TTN: variants seen among roughly 807,000 people sequenced by gnomAD.
The protein encoded by TTN is titin.
Under a neutral mutation model 3,223.0 loss-of-function variants are expected in TTN, and 1,525 were observed. The observed-to-expected ratio is 0.47, with a 90% CI of 0.45 to 0.49. The LOEUF is 0.49. Ranked by LOEUF, TTN falls within the 20% of genes least tolerant of loss-of-function variation. TTN has a pLI of 0.00. For missense variants in TTN, 40,786 were observed against 43,424.0 expected (o/e 0.94, Z 5.40); for synonymous variants, 14,094 against 15,161.0 (o/e 0.93, Z 5.17).
At position 178,607,628 on chromosome 2, in the gene TTN, C is replaced by T. The variant is rs780672348; in HGVS notation, c.53060G>A (p.Gly17687Glu). 1 of 1,613,040 alleles carries T rather than the reference C, an allele frequency of 6.2e-7. No individual in the cohort carries two copies. ...SVKGGIQIMA[G>E]KTLRIPAVVT... ...CACAGCTGGAATTCTAAGAGTCTTCCCAGCCATTATTTGTATTCCACCCTT... is the reference window on the plus strand; with the variant it reads ...CACAGCTGGAATTCTAAGAGTCTTCTCAGCCATTATTTGTATTCCACCCTT... Residue 17687 changes from glycine (G) to glutamate (E), a missense_variant, in exon 277 of 363, where the codon GGG becomes GAG. Gly to Glu is a moderately conservative substitution (Grantham distance 98). Coordinates refer to ENST00000589042, the MANE Select transcript of TTN (RefSeq NM_001267550.2).
rs758968807 is a variant in TTN at position 178,741,120 on chromosome 2, G to A, written c.12113C>T (p.Thr4038Ile). 3.7e-6 allele frequency: 6 copies of A among 1,613,690 alleles called. No individual in the cohort carries two copies. The highest frequency in any genetic ancestry group is 1.1e-5 in the South Asian group (1 of 91,078). ...VLLEDTDMTD[T>I]PCKAKSTPEA... ...TGGTGTGGACTTTGCTTTGCAGGGG[G>A]TATCAGTCATGTCTGTGTCTTCCAG... Residue 4038 changes from threonine (T) to isoleucine (I), a missense_variant, in exon 48 of 363, where the codon ACC (threonine) becomes ATC (isoleucine). Coordinates refer to ENST00000589042, the MANE Select transcript of TTN (RefSeq NM_001267550.2).
rs878867684 is a variant in TTN, at chr2:178,573,624, A to C, written c.72508T>G (p.Trp24170Gly). The change falls in exon 326 of 363, where the codon TGG (tryptophan) becomes GGG (glycine). Residue 24170 changes from tryptophan (W) to glycine (G), a missense_variant. By Grantham distance (184) the Trp-to-Gly change is radical (BLOSUM62 -2). Transcript: ENST00000589042. Reference protein sequence around the residue: ...VQKRETSRLAWTNVASEVQVT... With the variant: ...VQKRETSRLAGTNVASEVQVT... The stretch of plus-strand genomic sequence containing the variant: ...TGGACTTCTGAGGCTACATTTGTCC[A>C]TGCCAATCTGCTGGTTTCACGTTTC... The C allele has an allele frequency of 1.3e-6, 2 of 1,501,416 alleles. No individual in the cohort carries two copies. The highest frequency in any genetic ancestry group is 1.8e-6 in the Non-Finnish European group (2 of 1,127,764). The allele number at this position is 1,501,416 out of a possible 1,614,324, so 93.0% of individuals were successfully genotyped here. A position where few individuals can be genotyped will look rare whatever the true frequency, so the allele number is the denominator to read the frequency against.
intron 47 of TTN, chr2:178,748,706 C>G (rs2084419944): frequency 6.2e-7 from 1 of 1,612,656 alleles, no homozygotes; most frequent in South Asian, 1.1e-5. Flanking sequence ...ATGTTCAGCT[C>G]TTTTAGAAAT....
At position 178,574,915 on chromosome 2, in the gene TTN, A is replaced by G; in HGVS notation, c.71217T>C (p.Val23739=). 5 of 1,612,822 alleles carry G rather than the reference A, an allele frequency of 3.1e-6. No homozygotes were observed. Among genetic ancestry groups the G allele is most frequent in the Non-Finnish European group, 4.2e-6 (5 of 1,179,392 alleles). Residue 23739 remains valine, a synonymous_variant, in exon 326 of 363, where the codon GTT becomes GTC. Transcript: ENST00000589042. ...PPTGPIKFDE[V]SSDFVTFSWD... ...AAGAGAAGGTTACAAAATCAGATGAAACTTCATCAAATTTGATTGGTCCAG... is the reference window on the plus strand; with the variant it reads ...AAGAGAAGGTTACAAAATCAGATGAGACTTCATCAAATTTGATTGGTCCAG...
rs1481869771 is a variant in TTN, at chr2:178,563,463, C to T, written c.82669G>A (p.Glu27557Lys). The T allele has an allele frequency of 3.1e-6, 5 of 1,613,500 alleles. No individual in the cohort carries two copies. The South Asian group carries it at 5.5e-5, about 18-fold the overall frequency. The change falls in exon 326 of 363, where the codon GAG becomes AAG. Residue 27557 changes from glutamate to lysine, a missense_variant. Physicochemically the swap from Glu to Lys is moderately conservative, Grantham distance 56. Transcript: ENST00000589042. The surrounding 1 kb of genome is among the most constrained non-coding windows in gnomAD (Gnocchi z 4.5). ...ENAAGVGEPSEPSVFYRACDA... is the reference protein window; with the variant it reads ...ENAAGVGEPSKPSVFYRACDA... ...CACGCACGGTAGAAAACAGATGGCT[C>T]ACTAGGTTCTCCCACACCAGCTGCA...
intron 138 of TTN, among the ~76,000 whole-genome samples, chr2:178,680,734 C>T (rs1378310652): frequency 6.6e-6 from 1 of 151,976 alleles, no homozygotes; most frequent in African/African-American, 2.4e-5. Context: ...AATGAATAAA[C>T]AGTTACCAAA....
rs2078270258 is a variant in TTN, at chr2:178,720,972, C to G, written c.23047G>C (p.Ala7683Pro). The change falls in exon 79 of 363, where the codon GCT becomes CCT. Residue 7683 changes from alanine to proline, a missense_variant. By Grantham distance (27) the Ala-to-Pro change is conservative. Coordinates refer to ENST00000589042, the MANE Select transcript of TTN (RefSeq NM_001267550.2). ...CTGGCGTCACCAACACCATTATGAG[C>G]CTCACAAATGTAGTCCCCGCTGTCT... is the stretch of plus-strand genomic sequence containing the variant. ...AEDSGDYICE[A>P]HNGVGDASCS... is the part of the protein sequence containing the mutation. 6.2e-7 allele frequency: 1 copy of G among 1,606,676 alleles called. No homozygotes were observed. The highest frequency in any genetic ancestry group is 1.3e-5 in the African/African-American group (1 of 74,814).
In TTN at chr2:178,572,927, A is replaced by G. The variant is rs903200206; in HGVS notation, c.73205T>C (p.Met24402Thr). The change falls in exon 326 of 363, where the codon ATG (methionine) becomes ACG (threonine). Residue 24402 changes from methionine to threonine, a missense_variant. Transcript: ENST00000589042. ...AGGTTCCCCAAGTCCTTCGGAATTC[A>G]TGGCATAGATGCGGATCTTATATTC... Reference protein sequence around the residue: ...NQEYKIRIYAMNSEGLGEPAL... With the variant: ...NQEYKIRIYATNSEGLGEPAL... 1 of 1,613,220 alleles carries G rather than the reference A, an allele frequency of 6.2e-7. No individual in the cohort carries two copies. Among genetic ancestry groups the G allele is most frequent in the African/African-American group, 1.3e-5 (1 of 74,894 alleles).
At chr2:178,667,764 T>C in intron 159 of TTN, 43 bp from the exon 160 acceptor site, 2 of 1,371,490 alleles carry the variant, frequency 1.5e-6, no homozygotes, top group Non-Finnish European at 2.0e-6. Context: ...TGTTTCAAGG[T>C]GGATAAAGAA....
Position 178,745,889 on chromosome 2 carries a change from A to T in TTN, c.11312-3968T>A, listed in dbSNP as rs780451913. On this transcript the variant is annotated intron_variant, in intron 47 of 362. Transcript: ENST00000589042. ...CCCTTCCACCACCTGAAATTCAAAA[A>T]AACTGTCTGTGTAGTTGCTCTTTAA... 10 of 1,612,266 alleles carry T rather than the reference A, an allele frequency of 6.2e-6. No individual in the cohort carries two copies. The highest frequency in any genetic ancestry group is 3.3e-5 in the Admixed American group (2 of 59,876).
At chr2:178,792,817 T>C (rs902018120) in intron 9 of TTN, among the ~76,000 whole-genome samples, 1 of 152,194 alleles carries the variant, frequency 6.6e-6, no homozygotes. Flanking sequence ...ATTCATCTTC[T>C]CAAACCACCC....
At position 178,672,623 on chromosome 2, in the gene TTN, GAGA is replaced by G. The variant is rs1196572661; in HGVS notation, c.34855+9_34855+11del. ...ACAGAAGAGGAAGTCAGGTTTAAAA[GAGA>G]AGATGTACCTTTGGCTGGGGGTGCC... On this transcript the variant is annotated intron_variant, in intron 153 of 362. Transcript: ENST00000589042. 23 of 1,611,560 alleles carry G rather than the reference GAGA, an allele frequency of 1.4e-5. No individual in the cohort carries two copies. Among genetic ancestry groups the G allele is most frequent in the Admixed American group, 6.7e-5 (4 of 59,720 alleles).
chr2:178,714,072 C>T lies in TTN; in HGVS notation c.26586G>A (p.Lys8862=), dbSNP rs766475856. The T allele has an allele frequency of 3.1e-6, 5 of 1,613,632 alleles. No individual in the cohort carries two copies. The South Asian group carries it at 5.5e-5, about 18-fold the overall frequency. ...TTAGCTCTTTTCCATCCTTAAACCA[C>T]TTAGTACTGAGTTCAGGGGTGCCAG... is the stretch of plus-strand genomic sequence containing the variant. ...TVAGTPELST[K]WFKDGKELTS... is the part of the protein sequence containing the mutation. The change falls in exon 92 of 363, where the codon AAG becomes AAA. Residue 8862 remains lysine (K), a synonymous_variant. Transcript: ENST00000589042.
chr2:178,771,688 A>C (rs558455214), intron 33 of TTN, among the ~76,000 whole-genome samples: 14 of 152,312 alleles, frequency 9.2e-5, no homozygotes, highest in African/African-American at 2.9e-4. Flanking sequence ...GAATCAGAAA[A>C]GTTTTGTGAA....
chr2:178,770,734 G>T, intron 34 of TTN, 59 bp from the exon 35 acceptor site: 1 of 1,580,126 alleles, frequency 6.3e-7, no homozygotes. Flanking sequence ...AGGAAAAGAA[G>T]TCCTGAACAA....
intron 88 of TTN, among the ~76,000 whole-genome samples, chr2:178,716,261 TC>T (rs1280646548): frequency 4.6e-5 from 7 of 152,204 alleles, no homozygotes; most frequent in Non-Finnish European, 7.4e-5. Flanking sequence ...GCCATTTTCC[TC>T]TTTTAGGTGT....
chr2:178,617,582 C>A, intron 253 of TTN, 70 bp from the exon 254 acceptor site: 1 of 1,452,696 alleles, frequency 6.9e-7, no homozygotes, highest in South Asian at 1.3e-5. Context: ...GTGTTGTAAT[C>A]AATTATATCA....
chr2:178,568,412 C>T lies in TTN; in HGVS notation c.77720G>A (p.Ser25907Asn). The T allele has an allele frequency of 6.2e-7, 1 of 1,613,196 alleles. No individual in the cohort carries two copies. Among genetic ancestry groups the T allele is most frequent in the East Asian group, 2.2e-5 (1 of 44,698 alleles). The change falls in exon 326 of 363, where the codon AGT becomes AAT. Residue 25907 changes from serine to asparagine, a missense_variant. By Grantham distance (46) the Ser-to-Asn change is conservative (BLOSUM62 1). Transcript: ENST00000589042. ...PVKFDDVSAE[S>N]ITLSWNPPLY... ...TGGAGGGTTCCAAGATAATGTAATACTTTCAGCACTGACGTCATCAAATTT... is the reference window on the plus strand; with the variant it reads ...TGGAGGGTTCCAAGATAATGTAATATTTTCAGCACTGACGTCATCAAATTT...
At position 178,756,471 on chromosome 2, in the gene TTN, C is replaced by A. The variant is rs748260785; in HGVS notation, c.11005G>T (p.Val3669Phe). ...APKIFLHLQD[V>F]TVKCGDTAQF... ...GCCGTGTCACCGCACTTTACAGTGA[C>A]GTCCTGAAGATGCAGGAAAATCTTG... The change falls in exon 46 of 363, where the codon GTC (valine) becomes TTC (phenylalanine). Residue 3669 changes from valine to phenylalanine, a missense_variant. Coordinates refer to ENST00000589042, the MANE Select transcript of TTN (RefSeq NM_001267550.2). 1.2e-6 allele frequency: 2 copies of A among 1,613,688 alleles called. No homozygotes were observed. The highest frequency in any genetic ancestry group is 1.7e-6 in the Non-Finnish European group (2 of 1,179,810).
Sources: allele counts gnomAD v4.1 joint callset (sites outside exome capture counted in the v4.1 genomes callset), GRCh38; gene constraint gnomAD v4.1.1; non-coding constraint Gnocchi (gnomAD v3.1); transcripts MANE v1.5; gene names NCBI Gene and HGNC (gene_info 2026-07-23, HGNC 2026-07-21).